FNIP2: variants seen among roughly 807,000 people sequenced by gnomAD.
The protein encoded by FNIP2 is folliculin-interacting protein 2.
Under a neutral mutation model 108.7 loss-of-function variants are expected in FNIP2, and 32 were observed. The observed-to-expected ratio is 0.29, with a 90% CI of 0.22 to 0.40. The LOEUF is 0.40. FNIP2 is among the 10% of genes least tolerant of loss of function. The pLI, the probability that FNIP2 is intolerant of heterozygous loss-of-function variation, is 1.00. For missense variants in FNIP2, 1,202 were observed against 1,381.6 expected (o/e 0.87, Z 2.06); for synonymous variants, 480 against 496.7 (o/e 0.97, Z 0.45).
intron 1 of FNIP2, among the ~76,000 whole-genome samples, chr4:158,792,052 C>T (rs1307144979): frequency 3.3e-5 from 5 of 152,062 alleles, no homozygotes; most frequent in Admixed American, 2.6e-4. Flanking sequence ...TACAGTGAGC[C>T]GTGATTGCAC....
Position 158,891,768 on chromosome 4 carries a change from A to G in FNIP2, c.3150+122A>G, listed in dbSNP as rs1782291011. On this transcript the variant is annotated intron_variant, in intron 15 of 16. Transcript: ENST00000264433. ...AATATAATTGGAGATTAGCATAACT[A>G]AAACTAGAACATGCAGCATAAAACT... 1.8e-5 allele frequency: 17 copies of G among 931,382 alleles called. No individual in the cohort carries two copies. In the South Asian group the frequency reaches 2.9e-4, roughly 16 times the overall value. The allele number at this position is 931,382 out of a possible 1,614,324, so 57.7% of individuals were successfully genotyped here.
intron 7 of FNIP2, among the ~76,000 whole-genome samples, chr4:158,836,811 C>CAAAAAA (rs34469888): frequency 2.5e-5 from 1 of 39,566 alleles, no homozygotes; most frequent in Admixed American, 4.0e-4. Context: ...GACTCCGTCT[C>CAAAAAA]AAAAAAAAAA....
rs371941985 is a variant in FNIP2, at chr4:158,859,245, G to A, written c.1046G>A (p.Ser349Asn). ...LFESHMNRLK[S>N]AIEKAMISCR... The stretch of plus-strand genomic sequence containing the variant: ...GAATCTCACATGAACAGGCTGAAGA[G>A]TGCAATTGAAAAGGTAATAAGGATG... Residue 349 changes from serine (S) to asparagine (N), a missense_variant, in exon 9 of 17, where the codon AGT becomes AAT. Ser to Asn is a conservative substitution (Grantham distance 46). Coordinates refer to ENST00000264433, the MANE Select transcript of FNIP2 (RefSeq NM_020840.3). The A allele has an allele frequency of 1.9e-6, 3 of 1,607,056 alleles. No individual in the cohort carries two copies. The African/African-American group carries it at 4.0e-5, about 21-fold the overall frequency.
intron 8 of FNIP2, among the ~76,000 whole-genome samples, chr4:158,855,479 C>G (rs1038108774): frequency 6.6e-6 from 1 of 152,000 alleles, no homozygotes; most frequent in African/African-American, 2.4e-5. Flanking sequence ...ACGGGAATCT[C>G]ACTCTGTCAC....
intron 14 of FNIP2, among the ~76,000 whole-genome samples, chr4:158,877,685 G>A (rs1388287596): frequency 6.6e-6 from 1 of 152,198 alleles, no homozygotes; most frequent in African/African-American, 2.4e-5. Flanking sequence ...GGTTAGAGTG[G>A]GGAGAGTCAC....
chr4:158,869,881 A>T (rs1450636337), intron 13 of FNIP2, among the ~76,000 whole-genome samples: 1 of 151,926 alleles, frequency 6.6e-6, no homozygotes, highest in African/African-American at 2.4e-5. Context: ...CTTTCTTAAC[A>T]CTCCATCAGG....
At chr4:158,775,694 AT>A (rs1252811914) in intron 1 of FNIP2, among the ~76,000 whole-genome samples, 2 of 151,654 alleles carry the variant, frequency 1.3e-5, no homozygotes, top group Admixed American at 6.6e-5. Context: ...CATGCTACAT[AT>A]TTTTTTTTCC....
At chr4:158,789,363 G>T (rs952984729) in intron 1 of FNIP2, among the ~76,000 whole-genome samples, 3 of 152,104 alleles carry the variant, frequency 2.0e-5, no homozygotes, top group Non-Finnish European at 4.4e-5. Context: ...TTACCATTCA[G>T]AACGCATTTT....
Position 158,861,447 on chromosome 4 carries a change from C to G in FNIP2, c.1254C>G (p.Leu418=), listed in dbSNP as rs2126679994. 3 of 1,614,036 alleles carry G rather than the reference C, an allele frequency of 1.9e-6. No homozygotes were observed. Among genetic ancestry groups the G allele is most frequent in the African/African-American group, 1.3e-5 (1 of 75,058 alleles). ...AAAACCAGCTCTGCCAGCGCTTTCT[C>G]AAGGAGTTTACACTTCTGATAGAAC... The part of the protein sequence containing the change: ...LEKNQLCQRF[L]KEFTLLIEQI... Residue 418 remains leucine (L), a synonymous_variant, in exon 11 of 17, where the codon CTC becomes CTG. Coordinates refer to ENST00000264433, the MANE Select transcript of FNIP2 (RefSeq NM_020840.3).
At chr4:158,834,344 T>C (rs549100734) in intron 6 of FNIP2, 1 of 24,706 alleles carries the variant, frequency 4.0e-5, no homozygotes, top group South Asian at 1.2e-3. Context: ...CTCTAAGTAG[T>C]GTAAATACAA....
At chr4:158,860,188 G>C (rs1197064781) in intron 10 of FNIP2, among the ~76,000 whole-genome samples, 1 of 152,136 alleles carries the variant, frequency 6.6e-6, no homozygotes, top group Admixed American at 6.5e-5. Context: ...TAGCAGGTGG[G>C]ATCCTCTCTG....
chr4:158,790,354 T>C (rs1776371540), intron 1 of FNIP2, among the ~76,000 whole-genome samples: 1 of 151,894 alleles, frequency 6.6e-6, no homozygotes, highest in Admixed American at 6.5e-5. Flanking sequence ...GGCCATTCTA[T>C]AAAAACCAGG....
At chr4:158,819,178 C>T (rs536409025) in intron 1 of FNIP2, among the ~76,000 whole-genome samples, 1 of 152,304 alleles carries the variant, frequency 6.6e-6, no homozygotes, top group African/African-American at 2.4e-5. Context: ...AAGCCACACA[C>T]TCAAAGGTGT....
intron 1 of FNIP2, among the ~76,000 whole-genome samples, chr4:158,792,185 C>A (rs914305600): frequency 2.0e-5 from 3 of 152,144 alleles, no homozygotes; most frequent in African/African-American, 7.2e-5. Context: ...CACCTACTTA[C>A]CAAAATTTGT....
intron 1 of FNIP2, among the ~76,000 whole-genome samples, chr4:158,818,414 G>A (rs1743844129): frequency 6.6e-6 from 1 of 152,168 alleles, no homozygotes; most frequent in Admixed American, 6.5e-5. Flanking sequence ...TCTCAGACAT[G>A]GTAATCACTA....
chr4:158,796,681 C>T (rs973605196), intron 1 of FNIP2, among the ~76,000 whole-genome samples: 3 of 152,140 alleles, frequency 2.0e-5, no homozygotes, highest in Admixed American at 1.3e-4. Flanking sequence ...ATTAACACGT[C>T]GCATTTGTCT....
At chr4:158,837,167 G>T (rs762701588) in intron 7 of FNIP2, among the ~76,000 whole-genome samples, 17 of 152,146 alleles carry the variant, frequency 1.1e-4, no homozygotes, top group Non-Finnish European at 2.5e-4. Context: ...ATGTATGTGG[G>T]CCTTACCAGA....
rs540666022 is a variant in FNIP2, at chr4:158,816,662, G to A, written c.108-9254G>A. Among the ~76,000 whole-genome samples the A allele has an allele frequency of 1.4e-4, 21 of 151,966 alleles. No individual in the cohort carries two copies. The East Asian group carries it at 1.7e-3, about 13-fold the overall frequency. ...TAGCCAGGTGTGGTGGTGGGCGCCT[G>A]TAATCCCAGCTACTTGGGAGGCTGA... On this transcript the variant is annotated intron_variant, in intron 1 of 16. Transcript: ENST00000264433.
At chr4:158,863,136 G>T (rs1409305419) in intron 12 of FNIP2, among the ~76,000 whole-genome samples, 6 of 152,220 alleles carry the variant, frequency 3.9e-5, no homozygotes, top group Non-Finnish European at 8.8e-5. Context: ...TTGACAAGAG[G>T]AGTGTGAGGA....
Sources: gnomAD v4.1 joint callset for allele counts (sites outside exome capture counted in the v4.1 genomes callset) on GRCh38, gnomAD v4.1.1 for gene constraint, MANE v1.5 for transcripts, NCBI Gene and HGNC (gene_info 2026-07-23, HGNC 2026-07-21) for gene names.